The following TRIM22 variants were observed in gnomAD, a reference collection of about 807,000 sequenced individuals.
The protein encoded by TRIM22 is E3 ubiquitin-protein ligase TRIM22.
Under a neutral mutation model 53.6 loss-of-function variants are expected in TRIM22, and 45 were observed. The observed-to-expected ratio is 0.84, with a 90% confidence interval of 0.66 to 1.08. The LOEUF (loss-of-function observed/expected upper bound fraction) is 1.08. Among genes scored for constraint, TRIM22 ranks in the 50% least tolerant of loss-of-function variants. The probability of loss-of-function intolerance (pLI) is 0.00; values close to 1 mark genes in which losing one functional copy is unlikely to be tolerated. For synonymous variants in TRIM22, 225 were observed against 216.6 expected (o/e 1.04, Z -0.34); for missense variants, 616 against 590.9 (o/e 1.04, Z -0.44).
chr11:5,698,029 G>A (rs1270094522), intron 3 of TRIM22: 1 of 327,046 alleles, frequency 3.1e-6, no homozygotes, highest in African/African-American at 2.1e-5. Context: ...GATACAGAAA[G>A]GCAAAGTTGT....
intron 3 of TRIM22, 128 bp from the exon 4 acceptor site, chr11:5,698,187 T>C (rs1033607578): frequency 2.8e-6 from 2 of 718,158 alleles, no homozygotes; most frequent in South Asian, 1.8e-5. Context: ...AATTGTGTAT[T>C]GGCTTTTGCC....
rs1334659269 is a variant in TRIM22 at position 5,708,617 on chromosome 11, G to C, written c.901+14G>C. ...AGTACTACTGGGGTAAGATGATATG[G>C]GGTTTTCAAATCACTTCCTTTCAGA... is the stretch of plus-strand genomic sequence containing the variant. On this transcript the variant is annotated intron_variant, in intron 7 of 7. Transcript: ENST00000379965. The C allele has an allele frequency of 1.2e-6, 2 of 1,604,510 alleles. No homozygotes were observed. The highest frequency in any genetic ancestry group is 2.2e-5 in the East Asian group (1 of 44,744).
Position 5,708,026 on chromosome 11 carries a change from C to A in TRIM22, c.774-147C>A, listed in dbSNP as rs570763843. On this transcript the variant is annotated intron_variant, in intron 5 of 7. Coordinates refer to ENST00000379965, the MANE Select transcript of TRIM22 (RefSeq NM_006074.5). ...AGACATGAGCACATTTCTCTGGACT[C>A]CAGTGTCAGGCATCTCCCCTCTACT... 59 of 619,844 alleles carry A rather than the reference C, an allele frequency of 9.5e-5. No homozygotes were observed. The African/African-American group carries it at 9.6e-4, about 10-fold the overall frequency. 38.4% of individuals were successfully genotyped at this position (619,844 alleles called of 1,614,324 possible).
intron 4 of TRIM22, among the ~76,000 whole-genome samples, chr11:5,700,331 T>G (rs1853350954): frequency 6.6e-6 from 1 of 152,086 alleles, no homozygotes; most frequent in Non-Finnish European, 1.5e-5. Context: ...CCCAGGCTGG[T>G]CTCGAACTCT....
chr11:5,705,505 T>C (rs1853444550), intron 4 of TRIM22, among the ~76,000 whole-genome samples: 1 of 152,172 alleles, frequency 6.6e-6, no homozygotes, highest in Admixed American at 6.5e-5. Flanking sequence ...TTGTCAGATA[T>C]TACAACAACA....
chr11:5,708,255 A>T lies in TRIM22; in HGVS notation c.856A>T (p.Met286Leu). 6.2e-7 allele frequency: 1 copy of T among 1,614,046 alleles called. No homozygotes were observed. Among genetic ancestry groups the T allele is most frequent in the Non-Finnish European group, 8.5e-7 (1 of 1,179,892 alleles). The change falls in exon 6 of 8, where the codon ATG becomes TTG. Residue 286 changes from methionine to leucine, a missense_variant. Transcript: ENST00000379965. The part of the protein sequence containing the change: ...SVFRVPDLSG[M>L]LQVLKELTDV... Reference sequence around the variant, plus strand: ...ATTCCGAGTACCAGATCTGAGTGGGATGCTGCAAGTTCTTAAAGGTAAGGG... The same window carrying T: ...ATTCCGAGTACCAGATCTGAGTGGGTTGCTGCAAGTTCTTAAAGGTAAGGG...
intron 1 of TRIM22, among the ~76,000 whole-genome samples, chr11:5,692,775 C>T (rs929930179): frequency 7.6e-5 from 10 of 131,842 alleles, no homozygotes; most frequent in Middle Eastern, 9.4e-3. Context: ...GCCTGGGCAA[C>T]GCAGTGAGAC....
intron 1 of TRIM22, among the ~76,000 whole-genome samples, chr11:5,691,383 G>A (rs569939309): frequency 4.6e-5 from 7 of 152,270 alleles, no homozygotes; most frequent in African/African-American, 9.6e-5. Context: ...ACAAAACAGA[G>A]TAGGGATTTT....
chr11:5,705,113 T>C (rs560540838), intron 4 of TRIM22, among the ~76,000 whole-genome samples: 2 of 152,362 alleles, frequency 1.3e-5, no homozygotes, highest in African/African-American at 4.8e-5. Context: ...GCATTAGGCA[T>C]GTATATGTTA....
chr11:5,703,315 G>C (rs545762194), intron 4 of TRIM22, among the ~76,000 whole-genome samples: 14 of 152,140 alleles, frequency 9.2e-5, no homozygotes, highest in Non-Finnish European at 1.8e-4. Flanking sequence ...TTCAGTTCCC[G>C]TGTTAATTTG....
chr11:5,694,070 C>T (rs1435477761), intron 1 of TRIM22, among the ~76,000 whole-genome samples: 1 of 152,226 alleles, frequency 6.6e-6, no homozygotes, highest in East Asian at 1.9e-4. Context: ...GATAAGGACA[C>T]AGTCATGTTG....
chr11:5,700,390 A>AGGCAAAGTGCTAGGATTAC (rs1564941595), intron 4 of TRIM22, among the ~76,000 whole-genome samples: 3 of 151,496 alleles, frequency 2.0e-5, no homozygotes, highest in African/African-American at 7.3e-5. Flanking sequence ...GCTAGGATTA[A>AGGCAAAGTGCTAGGATTAC]AGGCGTGAGC....
At chr11:5,704,583 G>A (rs1853428742) in intron 4 of TRIM22, among the ~76,000 whole-genome samples, 1 of 151,906 alleles carries the variant, frequency 6.6e-6, no homozygotes, top group African/African-American at 2.4e-5. Flanking sequence ...TTGCCTTTTC[G>A]CTCTCTTCAT....
intron 3 of TRIM22, 36 bp downstream of exon 3, chr11:5,697,379 G>T: frequency 6.5e-7 from 1 of 1,527,830 alleles, no homozygotes; most frequent in Non-Finnish European, 9.0e-7. Flanking sequence ...TAATTAGACA[G>T]GAATCTGGGC....
At chr11:5,697,699 T>TTTTTG (rs1554942970) in intron 3 of TRIM22, 10 of 188,458 alleles carry the variant, frequency 5.3e-5, no homozygotes, top group African/African-American at 2.1e-4. Context: ...AGGGGGATTT[T>TTTTTG]TTTGTTTGTT....
chr11:5,702,419 T>A (rs1252287067), intron 4 of TRIM22, among the ~76,000 whole-genome samples: 1 of 147,556 alleles, frequency 6.8e-6, no homozygotes, highest in Non-Finnish European at 1.5e-5. Context: ...AAAAATATTT[T>A]AAAAATATAA....
In TRIM22 at chr11:5,703,618, C is replaced by T. The variant is rs185832242; in HGVS notation, c.751-2976C>T. Among the ~76,000 whole-genome samples, 10 of 152,210 alleles carry T rather than the reference C, an allele frequency of 6.6e-5. No individual in the cohort carries two copies. In the East Asian group the frequency reaches 1.9e-3, roughly 29 times the overall value. On this transcript the variant is annotated intron_variant, in intron 4 of 7. Transcript: ENST00000379965. ...GCCAGGACAGTCTCGATCTCCTGAC[C>T]TCGTGATCCGCCCACCTCAGCCTCC...
intron 4 of TRIM22, among the ~76,000 whole-genome samples, chr11:5,703,879 A>C (rs1018393160): frequency 2.0e-5 from 3 of 152,186 alleles, no homozygotes; most frequent in Non-Finnish European, 4.4e-5. Context: ...GTGGCCAACA[A>C]ACATATGAAA....
intron 4 of TRIM22, 82 bp downstream of exon 4, chr11:5,698,627 G>GAAAGCCGGGCGCGGTGGC: frequency 8.6e-7 from 1 of 1,160,662 alleles, no homozygotes; most frequent in South Asian, 1.5e-5. Context: ...CCAGTCTCTA[G>GAAAGCCGGGCGCGGTGGC]GCTTTCTTCT....
Sources: allele counts gnomAD v4.1 joint callset (sites outside exome capture counted in the v4.1 genomes callset), GRCh38; gene constraint gnomAD v4.1.1; transcripts MANE v1.5; gene names NCBI Gene and HGNC (gene_info 2026-07-23, HGNC 2026-07-21).